GRIK1: variants seen among roughly 807,000 people sequenced by gnomAD.
GRIK1 encodes glutamate ionotropic receptor kainate type subunit 1.
In GRIK1, 69 loss-of-function variants were observed where a neutral mutation model predicts 105.7. The observed-to-expected ratio is 0.65, with a 90% CI of 0.54 to 0.80. GRIK1 has a LOEUF of 0.80. Among genes scored for constraint, GRIK1 ranks in the 30% least tolerant of loss-of-function variants. The pLI is 0.00. For missense variants in GRIK1, 1,109 were observed against 1,167.3 expected, an observed-to-expected ratio of 0.95 and a Z score of 0.73; for synonymous variants, 438 against 431.3, an observed-to-expected ratio of 1.02 and a Z score of -0.19.
At position 29,589,000 on chromosome 21, in the gene GRIK1, A is replaced by T. The variant is rs892336819; in HGVS notation, c.1408T>A (p.Tyr470Asn). Residue 470 changes from tyrosine to asparagine, a missense_variant, in exon 11 of 18, where the codon TAT becomes AAT. Transcript: ENST00000327783. ...TATCCTTCAAATCTGTCATTTCCAT[A>T]TAGAGGCTTATCAGATTTCCTGTAC... Reference protein sequence around the residue: ...VMYRKSDKPLYGNDRFEGYCL... With the variant: ...VMYRKSDKPLNGNDRFEGYCL... 6.2e-7 allele frequency: 1 copy of T among 1,603,938 alleles called. No individual in the cohort carries two copies. The highest frequency in any genetic ancestry group is 8.5e-7 in the Non-Finnish European group (1 of 1,170,702).
chr21:29,667,592 A>C (rs2063085396), intron 4 of GRIK1, among the ~76,000 whole-genome samples: 1 of 152,164 alleles, frequency 6.6e-6, no homozygotes, highest in South Asian at 2.1e-4. Flanking sequence ...ATTCATTGCC[A>C]CTAGTGTTGT....
chr21:29,554,641 A>G (rs1347377299), intron 16 of GRIK1, among the ~76,000 whole-genome samples: 1 of 152,200 alleles, frequency 6.6e-6, no homozygotes, highest in Non-Finnish European at 1.5e-5. Flanking sequence ...GTTTTGCATT[A>G]GTACATGTGC....
intron 14 of GRIK1, among the ~76,000 whole-genome samples, chr21:29,576,487 A>G (rs1224380039): frequency 6.6e-6 from 1 of 152,156 alleles, no homozygotes; most frequent in African/African-American, 2.4e-5. Flanking sequence ...CTCTAACTAA[A>G]TTCCAATATC....
intron 1 of GRIK1, among the ~76,000 whole-genome samples, chr21:29,919,014 C>T (rs1298031342): frequency 2.0e-5 from 3 of 151,758 alleles, no homozygotes; most frequent in Non-Finnish European, 4.4e-5. Context: ...AAGCTACCAG[C>T]AATGTATCAA....
intron 1 of GRIK1, among the ~76,000 whole-genome samples, chr21:29,916,215 AT>A (rs1175008175): frequency 1.3e-5 from 2 of 151,964 alleles, no homozygotes; most frequent in Admixed American, 1.3e-4. Flanking sequence ...GATTGGAAAA[AT>A]ATGTTTCAGT....
At chr21:29,701,550 A>G (rs764397687) in intron 1 of GRIK1, among the ~76,000 whole-genome samples, 7 of 152,190 alleles carry the variant, frequency 4.6e-5, no homozygotes, top group Non-Finnish European at 1.0e-4. Flanking sequence ...AAGGGCCATC[A>G]CAGGGCTGTG....
chr21:29,766,141 G>A (rs924900278), intron 1 of GRIK1, among the ~76,000 whole-genome samples: 1 of 152,088 alleles, frequency 6.6e-6, no homozygotes, highest in Non-Finnish European at 1.5e-5. Context: ...GAGCCACCGT[G>A]CCTGGCCAGA....
chr21:29,684,357 ACTAT>A (rs1455505804), intron 3 of GRIK1, among the ~76,000 whole-genome samples: 13 of 152,230 alleles, frequency 8.5e-5, no homozygotes, highest in South Asian at 4.1e-4. Context: ...CTATTTATCA[ACTAT>A]CTATCTAATT....
Position 29,540,335 on chromosome 21 carries a change from C to T in GRIK1, c.2608-2451G>A, listed in dbSNP as rs372960867. Among the ~76,000 whole-genome samples, 34 of 152,240 alleles carry T rather than the reference C, an allele frequency of 2.2e-4. No homozygotes were observed. In the South Asian group the frequency reaches 4.6e-3, roughly 20 times the overall value. On this transcript the variant is annotated intron_variant, in intron 16 of 17. Coordinates refer to ENST00000327783, the MANE Select transcript of GRIK1 (RefSeq NM_001330994.2). ...ATATAAACATAGTTTTATCAGTGGG[C>T]GGCTTTCTTGGTCTTTGGTTGCAAA...
At chr21:29,566,713 A>G (rs990204822) in intron 14 of GRIK1, among the ~76,000 whole-genome samples, 4 of 152,220 alleles carry the variant, frequency 2.6e-5, no homozygotes, top group African/African-American at 9.6e-5. Context: ...TATTTTAAGA[A>G]CTTTGCATAT....
rs189613467 is a variant in GRIK1 at position 29,824,603 on chromosome 21, G to A, written c.118+114780C>T. On this transcript the variant is annotated intron_variant, in intron 1 of 17. Coordinates refer to ENST00000327783, the MANE Select transcript of GRIK1 (RefSeq NM_001330994.2). ...GTAAACAAAAGGGTGGGCTTTCTGGGGGAGAAAAAACCTTGATGCAGGAGC... is the reference window on the plus strand; with the variant it reads ...GTAAACAAAAGGGTGGGCTTTCTGGAGGAGAAAAAACCTTGATGCAGGAGC... Among the ~76,000 whole-genome samples, 138 of 151,974 alleles carry A rather than the reference G, an allele frequency of 9.1e-4. 3 individuals are homozygous for A. The highest frequency in any genetic ancestry group is 8.8e-3 in the Admixed American group (134 of 15,228).
intron 7 of GRIK1, among the ~76,000 whole-genome samples, chr21:29,629,777 C>T (rs2062222547): frequency 6.6e-6 from 1 of 152,294 alleles, no homozygotes; most frequent in East Asian, 1.9e-4. Context: ...GCGTGAGCCA[C>T]CGCGCCTGGC....
At chr21:29,596,743 G>T (rs11910800) in intron 8 of GRIK1, 173 bp from the exon 9 acceptor site, 46 of 615,896 alleles carry the variant, frequency 7.5e-5, no homozygotes, top group Non-Finnish European at 1.2e-4. Context: ...GCAAAGAGAC[G>T]AATCAAGACT....
intron 11 of GRIK1, among the ~76,000 whole-genome samples, 165 bp downstream of exon 11, chr21:29,588,674 C>A (rs997429627): frequency 6.6e-6 from 1 of 152,140 alleles, no homozygotes; most frequent in African/African-American, 2.4e-5. Flanking sequence ...TTTATCTTTA[C>A]TTGCCCTTCT....
At chr21:29,824,619 A>T (rs992567669) in intron 1 of GRIK1, among the ~76,000 whole-genome samples, 1 of 151,978 alleles carries the variant, frequency 6.6e-6, no homozygotes, top group Admixed American at 6.6e-5. Context: ...AAAAACCTTG[A>T]TGCAGGAGCA....
chr21:29,665,627 A>T (rs150368752), intron 4 of GRIK1, among the ~76,000 whole-genome samples: 199 of 152,352 alleles, frequency 1.3e-3, no homozygotes, highest in African/African-American at 4.5e-3. Flanking sequence ...TTATATCTAA[A>T]CGCTAGTAAG....
intron 1 of GRIK1, among the ~76,000 whole-genome samples, chr21:29,896,623 G>C (rs1322333422): frequency 6.6e-6 from 1 of 152,142 alleles, no homozygotes; most frequent in Non-Finnish European, 1.5e-5. Flanking sequence ...TTAAGGTTGT[G>C]AATTTTGCTA....
intron 1 of GRIK1, among the ~76,000 whole-genome samples, chr21:29,853,967 C>T (rs1034171243): frequency 1.3e-5 from 2 of 152,196 alleles, no homozygotes; most frequent in African/African-American, 2.4e-5. Flanking sequence ...GGGTTGTCCT[C>T]ACTGCCCCCA....
At chr21:29,857,088 A>G (rs2068486091) in intron 1 of GRIK1, among the ~76,000 whole-genome samples, 1 of 152,220 alleles carries the variant, frequency 6.6e-6, no homozygotes, top group African/African-American at 2.4e-5. Flanking sequence ...GGTTTAATCC[A>G]AGGGGTTATA....
Sources: allele counts gnomAD v4.1 joint callset (sites outside exome capture counted in the v4.1 genomes callset), GRCh38; gene constraint gnomAD v4.1.1; transcripts MANE v1.5; gene names NCBI Gene and HGNC (gene_info 2026-07-23, HGNC 2026-07-21).